The following ANO6 variants were observed in gnomAD, a reference collection of about 807,000 sequenced individuals.
The protein encoded by ANO6 is anoctamin 6.
ANO6 carries 106 observed loss-of-function variants against 117.5 expected under a neutral mutation model. The ratio of observed to expected loss-of-function variants is 0.90; its 90% CI spans 0.77 to 1.06. The LOEUF (loss-of-function observed/expected upper bound fraction) is 1.06. Ranked by LOEUF, ANO6 falls within the 50% of genes least tolerant of loss-of-function variation. ANO6 has a pLI of 0.00. For synonymous variants in ANO6, 367 were observed against 385.1 expected (o/e 0.95, Z 0.55); for missense variants, 955 against 1,121.1 (o/e 0.85, Z 2.12).
At chr12:45,228,167 G>T in intron 1 of ANO6, 1 of 435,560 alleles carries the variant, frequency 2.3e-6, no homozygotes, top group Non-Finnish European at 4.5e-6. Flanking sequence ...TCTGTTGCCA[G>T]GGCTGAAGTG....
At chr12:45,244,662 A>C (rs535218675) in intron 1 of ANO6, among the ~76,000 whole-genome samples, 5 of 152,262 alleles carry the variant, frequency 3.3e-5, no homozygotes, top group African/African-American at 9.6e-5. Flanking sequence ...TAGAAATCCT[A>C]GCTGACACTG....
chr12:45,217,211 A>G (rs929409363), intron 1 of ANO6, among the ~76,000 whole-genome samples: 3 of 152,208 alleles, frequency 2.0e-5, no homozygotes, highest in Non-Finnish European at 4.4e-5. Context: ...AGAGAAAATC[A>G]GGTCCCTAAA....
At chr12:45,352,702 G>A (rs1941310687) in intron 7 of ANO6, among the ~76,000 whole-genome samples, 1 of 149,862 alleles carries the variant, frequency 6.7e-6, no homozygotes, top group Non-Finnish European at 1.5e-5. Context: ...CTGCACTCTA[G>A]GGCAACAGAG....
At position 45,401,829 on chromosome 12, in the gene ANO6, T is replaced by C; in HGVS notation, c.1421T>C (p.Ile474Thr). The C allele has an allele frequency of 6.2e-7, 1 of 1,613,998 alleles. No homozygotes were observed. The highest frequency in any genetic ancestry group is 8.5e-7 in the Non-Finnish European group (1 of 1,179,972). The change falls in exon 13 of 20, where the codon ATT becomes ACT. Residue 474 changes from isoleucine to threonine, a missense_variant. Physicochemically the swap from Ile to Thr is moderately conservative, Grantham distance 89. Coordinates refer to ENST00000320560, the MANE Select transcript of ANO6 (RefSeq NM_001025356.3). The stretch of plus-strand genomic sequence containing the variant: ...ATCATCGCTTCAGTTATTGGGATCA[T>C]TGTCTATAGGCTCTCGGTGTTCATT... ...LLIIASVIGI[I>T]VYRLSVFIVF... is the part of the protein sequence containing the mutation.
intron 3 of ANO6, among the ~76,000 whole-genome samples, chr12:45,343,486 A>G (rs1941039023): frequency 6.6e-6 from 1 of 152,178 alleles, no homozygotes; most frequent in African/African-American, 2.4e-5. Context: ...CCTGAAGGAA[A>G]GAATGTCACA....
chr12:45,240,415 T>C (rs1947723578), intron 1 of ANO6, among the ~76,000 whole-genome samples: 2 of 124,244 alleles, frequency 1.6e-5, no homozygotes, highest in African/African-American at 5.8e-5. Context: ...TAGATCTTCC[T>C]CCATCCTTTA....
chr12:45,361,112 T>C (rs1344160806), intron 8 of ANO6, among the ~76,000 whole-genome samples: 3 of 152,210 alleles, frequency 2.0e-5, no homozygotes, highest in African/African-American at 4.8e-5. Flanking sequence ...ATAATGTTGA[T>C]TCCATAGGTC....
Position 45,350,644 on chromosome 12 carries a change from C to T in ANO6, c.748-15C>T, listed in dbSNP as rs761410451. On this transcript the variant is annotated splice_polypyrimidine_tract_variant and intron_variant, in intron 6 of 19. Coordinates refer to ENST00000320560, the MANE Select transcript of ANO6 (RefSeq NM_001025356.3). ...CGATGATTATGGTGCTTACATGTTC[C>T]CTTCTGCGTCACAGTGCAAATTCCG... 1 of 1,597,884 alleles carries T rather than the reference C, an allele frequency of 6.3e-7. No homozygotes were observed. The highest frequency in any genetic ancestry group is 8.6e-7 in the Non-Finnish European group (1 of 1,165,614).
chr12:45,258,243 A>C (rs10748413), intron 1 of ANO6, among the ~76,000 whole-genome samples: 149,919 of 152,300 alleles, frequency 0.98, 73,846 homozygotes, highest in Middle Eastern at 1. Flanking sequence ...ATAGTGCCTG[A>C]TGCTAGTAAA....
chr12:45,402,063 A>T, intron 13 of ANO6, 43 bp downstream of exon 13: 1 of 1,525,560 alleles, frequency 6.6e-7, no homozygotes. Context: ...ACATATTTTT[A>T]GAACCTGCCA....
At chr12:45,438,449 A>T (rs1022524895) in intron 19 of ANO6, among the ~76,000 whole-genome samples, 1 of 152,142 alleles carries the variant, frequency 6.6e-6, no homozygotes, top group Non-Finnish European at 1.5e-5. Context: ...TTTGAGTGCC[A>T]ATGTGATGCC....
At chr12:45,406,112 C>T (rs965599921) in intron 15 of ANO6, among the ~76,000 whole-genome samples, 1 of 152,212 alleles carries the variant, frequency 6.6e-6, no homozygotes, top group African/African-American at 2.4e-5. Context: ...TACCCCTTGA[C>T]TAGGATTCTT....
At chr12:45,375,769 C>T (rs1043230138) in intron 9 of ANO6, among the ~76,000 whole-genome samples, 36 of 150,286 alleles carry the variant, frequency 2.4e-4, no homozygotes, top group Admixed American at 1.1e-3. Context: ...AAAACCTAGG[C>T]AATACCATTC....
At chr12:45,407,482 A>AGCCC (rs1942968383) in intron 15 of ANO6, among the ~76,000 whole-genome samples, 1 of 9,428 alleles carries the variant, frequency 1.1e-4, no homozygotes, top group Admixed American at 2.3e-3. Context: ...TACCTGAGTC[A>AGCCC]CCCCCCCCCC....
chr12:45,274,897 G>C (rs1938503658), intron 1 of ANO6, among the ~76,000 whole-genome samples: 1 of 149,186 alleles, frequency 6.7e-6, no homozygotes, highest in South Asian at 2.2e-4. Flanking sequence ...CACCTACTCA[G>C]AGCTGTCACC....
In ANO6 at chr12:45,367,165, A is replaced by G. The variant is rs1238643; in HGVS notation, c.999-523A>G. Among the ~76,000 whole-genome samples the G allele has an allele frequency of 3.3e-5, 5 of 152,280 alleles. No homozygotes were observed. In the East Asian group the frequency reaches 7.7e-4, roughly 23 times the overall value. On this transcript the variant is annotated intron_variant, in intron 8 of 19. Coordinates refer to ENST00000320560, the MANE Select transcript of ANO6 (RefSeq NM_001025356.3). ...CTCTGCTAATTTTTGTATTTTTAGT[A>G]GAGACAGGGTTTTGCCATGTTGGCC... is the stretch of plus-strand genomic sequence containing the variant.
At chr12:45,227,340 T>C (rs1420406794) in intron 1 of ANO6, among the ~76,000 whole-genome samples, 2 of 152,138 alleles carry the variant, frequency 1.3e-5, no homozygotes, top group Non-Finnish European at 2.9e-5. Flanking sequence ...TGAACTTATA[T>C]AGGTAATTGG....
At chr12:45,392,688 C>A (rs1010856555) in intron 12 of ANO6, among the ~76,000 whole-genome samples, 1 of 152,192 alleles carries the variant, frequency 6.6e-6, no homozygotes, top group Non-Finnish European at 1.5e-5. Flanking sequence ...GTTCTGCAGC[C>A]TCCGCTGGTG....
At chr12:45,364,990 C>G (rs1941648332) in intron 8 of ANO6, among the ~76,000 whole-genome samples, 1 of 152,228 alleles carries the variant, frequency 6.6e-6, no homozygotes, top group East Asian at 1.9e-4. Flanking sequence ...TGTTTACTTT[C>G]CTGAACTACT....
Sources: allele counts gnomAD v4.1 joint callset (sites outside exome capture counted in the v4.1 genomes callset), GRCh38; gene constraint gnomAD v4.1.1; transcripts MANE v1.5; gene names NCBI Gene and HGNC (gene_info 2026-07-23, HGNC 2026-07-21).